OSBPL6: variants seen among roughly 807,000 people sequenced by gnomAD.
OSBPL6 encodes oxysterol binding protein like 6.
A neutral mutation model predicts 125.8 loss-of-function variants in OSBPL6; 49 were observed. The ratio of observed to expected loss-of-function variants is 0.39; its 90% CI spans 0.31 to 0.49. The LOEUF is 0.49. Ranked by LOEUF, OSBPL6 falls within the 20% of genes least tolerant of loss-of-function variation. The pLI is 0.88. For synonymous variants in OSBPL6, 394 were observed against 391.8 expected, an observed-to-expected ratio of 1.01 and a Z score of -0.07; for missense variants, 986 against 1,135.4, an observed-to-expected ratio of 0.87 and a Z score of 1.89.
At chr2:178,218,935 G>A (rs1046499545) in intron 1 of OSBPL6, among the ~76,000 whole-genome samples, 3 of 151,822 alleles carry the variant, frequency 2.0e-5, no homozygotes, top group Non-Finnish European at 4.4e-5. Context: ...GCCTATCCCT[G>A]CTCCTTTTTA....
intron 1 of OSBPL6, among the ~76,000 whole-genome samples, chr2:178,200,858 C>A (rs1230037691): frequency 1.3e-5 from 2 of 151,608 alleles, no homozygotes; most frequent in Non-Finnish European, 2.9e-5. Context: ...TGCAGTGGCG[C>A]GATCTCGGCT....
At position 178,341,355 on chromosome 2, in the gene OSBPL6, A is replaced by G. The variant is rs906186783; in HGVS notation, c.987+1591A>G. Among the ~76,000 whole-genome samples, 4 of 127,732 alleles carry G rather than the reference A, an allele frequency of 3.1e-5. No homozygotes were observed. The South Asian group carries it at 1.0e-3, about 33-fold the overall frequency. 83.8% of individuals were successfully genotyped at this position (127,732 alleles called of 152,430 possible). On this transcript the variant is annotated intron_variant, in intron 11 of 24. Transcript: ENST00000190611. The stretch of plus-strand genomic sequence containing the variant: ...ATTCTTTTTTTTTTTTTTTTTTCTG[A>G]AGGACACAGAATGCAACTGGGACTA...
At chr2:178,212,373 A>C (rs980401523) in intron 1 of OSBPL6, among the ~76,000 whole-genome samples, 4 of 152,212 alleles carry the variant, frequency 2.6e-5, no homozygotes, top group African/African-American at 7.2e-5. Context: ...GTTTTTTAAA[A>C]TTAATACTTC....
intron 1 of OSBPL6, among the ~76,000 whole-genome samples, chr2:178,252,150 C>T (rs1371396303): frequency 5.8e-5 from 2 of 34,560 alleles, no homozygotes; most frequent in Non-Finnish European, 1.1e-4. Flanking sequence ...TGAATGTTAT[C>T]GTTTCATTTC....
intron 15 of OSBPL6, among the ~76,000 whole-genome samples, chr2:178,378,506 C>T (rs1041087970): frequency 6.6e-6 from 1 of 152,232 alleles, no homozygotes; most frequent in African/African-American, 2.4e-5. Context: ...GTTCTTCTTG[C>T]TTCCACAATA....
At chr2:178,218,267 A>G (rs2090171512) in intron 1 of OSBPL6, among the ~76,000 whole-genome samples, 1 of 152,196 alleles carries the variant, frequency 6.6e-6, no homozygotes, top group African/African-American at 2.4e-5. Flanking sequence ...TACGTGGTCC[A>G]TCTGTAGACA....
At chr2:178,333,336 GAT>G (rs1689396444) in intron 8 of OSBPL6, among the ~76,000 whole-genome samples, 2 of 152,200 alleles carry the variant, frequency 1.3e-5, no homozygotes, top group South Asian at 4.1e-4. Flanking sequence ...AGTGAGCCAA[GAT>G]TGTGCCACTA....
intron 9 of OSBPL6, among the ~76,000 whole-genome samples, chr2:178,337,549 A>G (rs1443998873): frequency 3.3e-5 from 5 of 152,222 alleles, no homozygotes; most frequent in South Asian, 2.1e-4. Context: ...TAGCAGGGTG[A>G]TGAGACATAG....
At chr2:178,353,546 A>G (rs891780064) in intron 12 of OSBPL6, among the ~76,000 whole-genome samples, 6 of 152,218 alleles carry the variant, frequency 3.9e-5, no homozygotes, top group African/African-American at 1.4e-4. Context: ...AAGGTTAGAG[A>G]AAAAAGAGTG....
At chr2:178,316,678 AC>A (rs1687764237) in intron 3 of OSBPL6, among the ~76,000 whole-genome samples, 1 of 152,208 alleles carries the variant, frequency 6.6e-6, no homozygotes, top group African/African-American at 2.4e-5. Flanking sequence ...CAAATAAAAA[AC>A]AATACAGTAT....
At chr2:178,306,669 A>G (rs931944939) in intron 3 of OSBPL6, among the ~76,000 whole-genome samples, 4 of 152,248 alleles carry the variant, frequency 2.6e-5, no homozygotes, top group African/African-American at 9.6e-5. Flanking sequence ...TGGGCTGCCA[A>G]GCCCTAACTC....
At chr2:178,195,733 T>C (rs890192050) in intron 1 of OSBPL6, among the ~76,000 whole-genome samples, 1 of 152,094 alleles carries the variant, frequency 6.6e-6, no homozygotes, top group Non-Finnish European at 1.5e-5. Flanking sequence ...TCCTGTAAGG[T>C]TTTTTCTATA....
chr2:178,306,327 A>G (rs748013817), intron 3 of OSBPL6, 41 bp downstream of exon 3: 3 of 1,186,090 alleles, frequency 2.5e-6, no homozygotes, highest in Non-Finnish European at 3.8e-6. Context: ...GTTTTATGCA[A>G]ATGCAATACC....
intron 1 of OSBPL6, among the ~76,000 whole-genome samples, chr2:178,208,744 T>C (rs10177839): frequency 9.3e-5 from 1 of 10,778 alleles, no homozygotes; most frequent in African/African-American, 1.4e-4. Flanking sequence ...TTCCTTCCCT[T>C]CTTCCCTCTT....
Position 178,344,763 on chromosome 2 carries a change from C to CT in OSBPL6, c.988-4453dup, listed in dbSNP as rs549636891. On this transcript the variant is annotated intron_variant, in intron 11 of 24. Coordinates refer to ENST00000190611, the MANE Select transcript of OSBPL6 (RefSeq NM_032523.4). ...CATGTTACTACAGGCATAAATTGTG[C>CT]TTTTTTTTGTAGCAGTGTGACTATT... 4.6e-4 allele frequency among the ~76,000 whole-genome samples: 69 copies of CT among 151,476 alleles called. No individual in the cohort carries two copies. In the South Asian group the frequency reaches 0.011, roughly 24 times the overall value.
intron 4 of OSBPL6, among the ~76,000 whole-genome samples, chr2:178,324,982 G>A (rs994051630): frequency 5.3e-5 from 8 of 152,166 alleles, no homozygotes; most frequent in Non-Finnish European, 1.0e-4. Flanking sequence ...CAATGAGCTC[G>A]TGAGAGAACA....
At chr2:178,359,017 AT>A (rs1180855215) in intron 12 of OSBPL6, among the ~76,000 whole-genome samples, 1 of 152,080 alleles carries the variant, frequency 6.6e-6, no homozygotes, top group African/African-American at 2.4e-5. Context: ...AAAAAATAAA[AT>A]TAAAAAAATT....
chr2:178,372,047 A>C (rs763801690), intron 13 of OSBPL6, 79 bp from the exon 14 acceptor site: 4 of 1,064,070 alleles, frequency 3.8e-6, no homozygotes, highest in East Asian at 2.5e-5. Flanking sequence ...ATTATTGTCT[A>C]ACTTGTACCT....
intron 23 of OSBPL6, 47 bp downstream of exon 23, chr2:178,392,585 G>T: frequency 6.3e-7 from 1 of 1,599,636 alleles, no homozygotes; most frequent in Non-Finnish European, 8.5e-7. Flanking sequence ...GCTGGGTGCA[G>T]TAGCTCATGC....
Sources: allele counts gnomAD v4.1 joint callset (sites outside exome capture counted in the v4.1 genomes callset), GRCh38; gene constraint gnomAD v4.1.1; transcripts MANE v1.5; gene names NCBI Gene and HGNC (gene_info 2026-07-23, HGNC 2026-07-21).